AK9: variants seen among roughly 807,000 people sequenced by gnomAD.
The protein encoded by AK9 is adenylate kinase domain containing 1.
A neutral mutation model predicts 239.6 loss-of-function variants in AK9; 191 were observed. That is an observed-to-expected ratio of 0.80 (90% CI 0.71 to 0.90). The LOEUF (loss-of-function observed/expected upper bound fraction) is 0.90, where lower values mean the gene tolerates loss of function less well. Ranked by LOEUF, AK9 falls within the 40% of genes least tolerant of loss-of-function variation. The pLI is 0.00. For missense variants in AK9, 1,995 were observed against 2,214.7 expected (o/e 0.90, Z 1.99); for synonymous variants, 689 against 721.0 (o/e 0.96, Z 0.71).
At chr6:109,505,800 C>T (rs1255276224) in intron 35 of AK9, among the ~76,000 whole-genome samples, 2 of 152,132 alleles carry the variant, frequency 1.3e-5, no homozygotes, top group South Asian at 2.1e-4. Flanking sequence ...AACATGCCCA[C>T]GTCATAATCT....
chr6:109,624,854 T>TTA (rs1795324037), intron 12 of AK9, among the ~76,000 whole-genome samples: 1 of 152,162 alleles, frequency 6.6e-6, no homozygotes, highest in African/African-American at 2.4e-5. Flanking sequence ...TAGACTGACT[T>TTA]TATAGTTTCT....
At chr6:109,676,520 C>A (rs1224746302) in intron 1 of AK9, among the ~76,000 whole-genome samples, 2 of 151,612 alleles carry the variant, frequency 1.3e-5, no homozygotes, top group Non-Finnish European at 2.9e-5. Context: ...ATATATCCAT[C>A]GAATATTTCT....
intron 8 of AK9, 71 bp downstream of exon 8, chr6:109,656,685 G>A: frequency 3.4e-6 from 5 of 1,455,098 alleles, no homozygotes; most frequent in Non-Finnish European, 4.7e-6. Context: ...ATGAAGACAT[G>A]TGAAAGCTAC....
intron 3 of AK9, among the ~76,000 whole-genome samples, chr6:109,673,866 G>T (rs920322090): frequency 6.6e-6 from 1 of 151,802 alleles, no homozygotes; most frequent in Non-Finnish European, 1.5e-5. Flanking sequence ...CGGGTGTTGT[G>T]GCTCACACCT....
At chr6:109,666,997 C>A (rs910585162) in intron 5 of AK9, among the ~76,000 whole-genome samples, 2 of 152,106 alleles carry the variant, frequency 1.3e-5, no homozygotes, top group African/African-American at 4.8e-5. Context: ...CAGTGAGGAG[C>A]TTTTAGGATG....
chr6:109,665,139 C>T (rs1299227568), intron 5 of AK9, among the ~76,000 whole-genome samples: 1 of 152,190 alleles, frequency 6.6e-6, no homozygotes, highest in Non-Finnish European at 1.5e-5. Flanking sequence ...TTTTTGATCA[C>T]TTTACTTTCT....
chr6:109,590,664 T>C (rs1167015178), intron 17 of AK9, among the ~76,000 whole-genome samples: 2 of 152,216 alleles, frequency 1.3e-5, no homozygotes, highest in African/African-American at 2.4e-5. Flanking sequence ...GTTAACACTA[T>C]AAAATTGCCT....
chr6:109,680,440 A>C (rs763120617), intron 1 of AK9, among the ~76,000 whole-genome samples: 1 of 152,202 alleles, frequency 6.6e-6, no homozygotes, highest in South Asian at 2.1e-4. Context: ...AGCCTCCAAG[A>C]AATATGGGAC....
At chr6:109,523,404 T>C (rs1261549777) in intron 29 of AK9, among the ~76,000 whole-genome samples, 1 of 152,198 alleles carries the variant, frequency 6.6e-6, no homozygotes, top group African/African-American at 2.4e-5. Context: ...CTTGAAGATC[T>C]GCCTCAAATA....
intron 10 of AK9, among the ~76,000 whole-genome samples, chr6:109,641,231 T>C (rs1437438917): frequency 2.7e-5 from 4 of 149,682 alleles, no homozygotes; most frequent in Admixed American, 6.7e-5. Flanking sequence ...TGCAATGGCA[T>C]GATCATGGCT....
chr6:109,529,481 T>C (rs572247643), intron 28 of AK9, among the ~76,000 whole-genome samples: 39 of 152,338 alleles, frequency 2.6e-4, no homozygotes, highest in African/African-American at 9.4e-4. Context: ...CATGAGGGAC[T>C]GGTTTCACAG....
intron 30 of AK9, 73 bp downstream of exon 30, chr6:109,516,357 A>G: frequency 7.9e-7 from 1 of 1,269,142 alleles, no homozygotes; most frequent in South Asian, 1.4e-5. Context: ...AAGAAATGGC[A>G]TGAACTAAAT....
At chr6:109,598,914 TG>T (rs1296164445) in intron 17 of AK9, among the ~76,000 whole-genome samples, 2 of 150,648 alleles carry the variant, frequency 1.3e-5, no homozygotes, top group Admixed American at 6.6e-5. Flanking sequence ...CACTTGTTGA[TG>T]GGGTTGTTTG....
At chr6:109,573,404 T>G in intron 21 of AK9, 38 bp downstream of exon 21, 1 of 1,520,286 alleles carries the variant, frequency 6.6e-7, no homozygotes. Context: ...TTAATGCACA[T>G]GAGTAGAATT....
At position 109,552,148 on chromosome 6, in the gene AK9, T is replaced by C. The variant is rs375497573; in HGVS notation, c.2752-1846A>G. 3.9e-5 allele frequency among the ~76,000 whole-genome samples: 6 copies of C among 152,316 alleles called. No homozygotes were observed. The East Asian group carries it at 7.7e-4, about 20-fold the overall frequency. ...TTGATGGGCATTTGGGTTGGTTCCATGTCTTTTCTATTGTAAATAGTGCGA... is the reference window on the plus strand; with the variant it reads ...TTGATGGGCATTTGGGTTGGTTCCACGTCTTTTCTATTGTAAATAGTGCGA... On this transcript the variant is annotated intron_variant, in intron 24 of 40. Transcript: ENST00000424296.
In AK9 at chr6:109,632,854, CAGATAGACATAGAT is replaced by C. The variant is rs1457362792; in HGVS notation, c.1254+55_1254+68del. The C allele has an allele frequency of 4.2e-5, 61 of 1,462,470 alleles. No homozygotes were observed. The African/African-American group carries it at 8.9e-4, about 21-fold the overall frequency. 90.6% of individuals were successfully genotyped at this position (1,462,470 alleles called of 1,614,324 possible). A position where few individuals can be genotyped will look rare whatever the true frequency, so the allele number is the denominator to read the frequency against. On this transcript the variant is annotated intron_variant, in intron 12 of 40. Coordinates refer to ENST00000424296, the MANE Select transcript of AK9 (RefSeq NM_001145128.3). ...ATTATAATCGAGTATAGATACATGACAGATAGACATAGATAGATAGATAGATAGATAGATAGATA... is the reference window on the plus strand; with the variant it reads ...ATTATAATCGAGTATAGATACATGACAGATAGATAGATAGATAGATAGATA...
At chr6:109,626,226 T>TTA (rs1393783829) in intron 12 of AK9, among the ~76,000 whole-genome samples, 1 of 95,586 alleles carries the variant, frequency 1.0e-5, no homozygotes, top group Non-Finnish European at 2.5e-5. Context: ...TATTCTCTTA[T>TTA]AAAGACCTTA....
intron 17 of AK9, 96 bp downstream of exon 17, chr6:109,610,269 A>T: frequency 7.1e-7 from 1 of 1,404,816 alleles, no homozygotes; most frequent in Non-Finnish European, 9.6e-7. Flanking sequence ...AAATTTCAAC[A>T]TCATAAGACT....
intron 1 of AK9, among the ~76,000 whole-genome samples, chr6:109,686,400 A>G (rs1199300860): frequency 6.6e-6 from 1 of 152,244 alleles, no homozygotes; most frequent in Non-Finnish European, 1.5e-5. Flanking sequence ...TCTAAAAAAG[A>G]GGCACAGTAT....
Sources: allele counts gnomAD v4.1 joint callset (sites outside exome capture counted in the v4.1 genomes callset), GRCh38; gene constraint gnomAD v4.1.1; transcripts MANE v1.5; gene names NCBI Gene and HGNC (gene_info 2026-07-23, HGNC 2026-07-21).